Variants in NRG1 observed in about 807,000 individuals in gnomAD.
NRG1 encodes pro-neuregulin-1, membrane-bound isoform.
Under a neutral mutation model 63.8 loss-of-function variants are expected in NRG1, and 18 were observed. The observed-to-expected ratio is 0.28, with a 90% CI of 0.19 to 0.42. NRG1 has a LOEUF of 0.42. NRG1 is among the 10% of genes least tolerant of loss of function. The pLI, the probability that NRG1 is intolerant of heterozygous loss-of-function variation, is 1.00. For missense variants in NRG1, 762 were observed against 814.7 expected (o/e 0.94, Z 0.79); for synonymous variants, 302 against 301.3 (o/e 1.00, Z -0.02).
intron 1 of NRG1, among the ~76,000 whole-genome samples, chr8:32,162,924 C>T (rs1838993695): frequency 1.3e-5 from 2 of 152,156 alleles, no homozygotes; most frequent in African/African-American, 4.8e-5. Flanking sequence ...ACCAACCACA[C>T]CACAAGGCTT....
chr8:32,103,539 G>A (rs965609242), intron 1 of NRG1, among the ~76,000 whole-genome samples: 4 of 152,060 alleles, frequency 2.6e-5, no homozygotes, highest in African/African-American at 7.2e-5. Flanking sequence ...CTTTCTTTTG[G>A]GAATATACCC....
At chr8:32,772,623 A>G (rs1831888855), downstream of NRG1, among the ~76,000 whole-genome samples, 1 of 151,966 alleles carries the variant, frequency 6.6e-6, no homozygotes, top group Non-Finnish European at 1.5e-5. Context: ...TTTTTGCCTT[A>G]CTGGAGGAGC....
intron 1 of NRG1, among the ~76,000 whole-genome samples, chr8:31,911,901 T>C (rs1832974014): frequency 6.6e-6 from 1 of 152,216 alleles, no homozygotes; most frequent in Non-Finnish European, 1.5e-5. Context: ...CCAATTTTTC[T>C]AGTTAAAGAG....
chr8:32,442,701 GA>G (rs973776600), intron 1 of NRG1: 2 of 152,162 alleles, frequency 1.3e-5, no homozygotes, highest in Non-Finnish European at 2.9e-5. Context: ...GCTTAACTAA[GA>G]AAAAATAAAG....
intron 1 of NRG1, among the ~76,000 whole-genome samples, chr8:32,449,131 C>CA (rs1045164195): frequency 1.3e-5 from 2 of 151,698 alleles, no homozygotes; most frequent in African/African-American, 2.4e-5. Context: ...CCCATCTCTA[C>CA]AAAAAAAGTA....
intron 1 of NRG1, among the ~76,000 whole-genome samples, chr8:32,465,643 A>T (rs933197553): frequency 6.6e-6 from 1 of 152,230 alleles, no homozygotes; most frequent in Non-Finnish European, 1.5e-5. Context: ...AAAAACACTT[A>T]TACTCTCGAA....
At chr8:32,771,381 C>T (rs1831778309), downstream of NRG1, among the ~76,000 whole-genome samples, 1 of 149,614 alleles carries the variant, frequency 6.7e-6, no homozygotes, top group Non-Finnish European at 1.5e-5. Flanking sequence ...CTGCCTCGGC[C>T]TCCCAAAGTG....
upstream of NRG1, among the ~76,000 whole-genome samples, chr8:32,544,046 G>GCTT (rs1832821888): frequency 6.6e-6 from 1 of 152,086 alleles, no homozygotes; most frequent in Non-Finnish European, 1.5e-5. Context: ...TCAGTTTTGT[G>GCTT]TGTATTCCTT....
chr8:32,215,870 C>G (rs1191734239), intron 1 of NRG1, among the ~76,000 whole-genome samples: 1 of 151,876 alleles, frequency 6.6e-6, no homozygotes, highest in Admixed American at 6.6e-5. Flanking sequence ...GGTGAAAACC[C>G]GTTTCTACTA....
At chr8:32,430,787 G>GTTTTTTTTTTTTTTTTTT (rs35752428) in intron 1 of NRG1, among the ~76,000 whole-genome samples, 1 of 134,152 alleles carries the variant, frequency 7.5e-6, no homozygotes, top group Admixed American at 7.4e-5. Context: ...AATGGTTTGG[G>GTTTTTTTTTTTTTTTTTT]TTTTTTTTTT....
At chr8:32,587,910 T>TTTTTGTTTTC (rs1554593716) in intron 1 of NRG1, among the ~76,000 whole-genome samples, 5 of 135,732 alleles carry the variant, frequency 3.7e-5, no homozygotes, top group South Asian at 2.5e-4. Flanking sequence ...CATGTGGGTT[T>TTTTTGTTTTC]TTTTGTTTTG....
chr8:32,171,526 C>G (rs1319125303), intron 1 of NRG1: 4 of 152,290 alleles, frequency 2.6e-5, no homozygotes, highest in African/African-American at 9.7e-5. Context: ...GCGCACCCAG[C>G]ATGAGCCAAA....
In NRG1 at chr8:32,511,367, GTATATATATATA is replaced by G. The variant is rs202038797; in HGVS notation, c.38-84440_38-84429del. Among the ~76,000 whole-genome samples, 582 of 122,074 alleles carry G rather than the reference GTATATATATATA, an allele frequency of 4.8e-3. 5 individuals are homozygous for G. Among genetic ancestry groups the G allele is most frequent in the African/African-American group, 0.017 (537 of 32,242 alleles). The allele number at this position is 122,074 out of a possible 152,430, so 80.1% of individuals were successfully genotyped here. A position where few individuals can be genotyped will look rare whatever the true frequency, so the allele number is the denominator to read the frequency against. The stretch of plus-strand genomic sequence containing the variant: ...TGTGTCTGTCTGTCGATATATATGT[GTATATATATATA>G]TATATATATATATATATATAAATAA... On this transcript the variant is annotated intron_variant, in intron 1 of 10. Coordinates refer to the NRG1 transcript ENST00000519301.
chr8:32,109,360 G>A (rs902041396), intron 1 of NRG1, among the ~76,000 whole-genome samples: 13 of 152,186 alleles, frequency 8.5e-5, no homozygotes, highest in Non-Finnish European at 1.8e-4. Flanking sequence ...GAGAGTCCAG[G>A]AAAAGCTTAT....
chr8:31,660,546 G>A (rs1054898724), intron 1 of NRG1, among the ~76,000 whole-genome samples: 1 of 152,208 alleles, frequency 6.6e-6, no homozygotes, highest in Non-Finnish European at 1.5e-5. Context: ...ATTAAAACAA[G>A]GAGAGTCTTA....
At position 32,605,696 on chromosome 8, in the gene NRG1, T is replaced by C; in HGVS notation, c.400+13T>C. The C allele has an allele frequency of 2.5e-6, 4 of 1,611,966 alleles. No individual in the cohort carries two copies. Among genetic ancestry groups the C allele is most frequent in the South Asian group, 1.1e-5 (1 of 90,980 alleles). ...GTGGAATCAAACGGTAAGAGATACCTACGGTATTCTGTTCCTCAATCTGTA... is the reference window on the plus strand; with the variant it reads ...GTGGAATCAAACGGTAAGAGATACCCACGGTATTCTGTTCCTCAATCTGTA... On this transcript the variant is annotated intron_variant, in intron 3 of 11. Coordinates refer to ENST00000356819, the Ensembl canonical transcript of NRG1.
intron 1 of NRG1, among the ~76,000 whole-genome samples, chr8:31,763,080 T>A (rs1303017754): frequency 6.6e-6 from 1 of 152,142 alleles, no homozygotes; most frequent in African/African-American, 2.4e-5. Context: ...CATATAATCA[T>A]CTCAATAGAT....
At chr8:32,407,266 A>G (rs117141235) in intron 1 of NRG1, among the ~76,000 whole-genome samples, 27,949 of 96,022 alleles carry the variant, frequency 0.29, 3,661 homozygotes, top group Non-Finnish European at 0.31. Flanking sequence ...GTGTGTGTGT[A>G]TATATATATT....
intron 1 of NRG1, among the ~76,000 whole-genome samples, chr8:31,807,115 T>C (rs1822360248): frequency 6.6e-6 from 1 of 152,178 alleles, no homozygotes. Context: ...ACACTTTAAC[T>C]TGGCTTCCCT....
Sources: gnomAD v4.1 joint callset for allele counts (sites outside exome capture counted in the v4.1 genomes callset) on GRCh38, gnomAD v4.1.1 for gene constraint, MANE v1.5 for transcripts, NCBI Gene and HGNC (gene_info 2026-07-23, HGNC 2026-07-21) for gene names.